RGL1: variants seen among roughly 807,000 people sequenced by gnomAD.
The protein encoded by RGL1 is ral guanine nucleotide dissociation stimulator like 1, also known as ral guanine nucleotide dissociation stimulator-like 1.
RGL1 carries 24 observed loss-of-function variants against 95.2 expected under a neutral mutation model. The observed-to-expected ratio is 0.25, with a 90% CI of 0.18 to 0.35. RGL1 has a LOEUF of 0.35. Among genes scored for constraint, RGL1 ranks in the 10% least tolerant of loss-of-function variants. The probability of loss-of-function intolerance (pLI) is 1.00; values close to 1 mark genes in which losing one functional copy is unlikely to be tolerated. For synonymous variants in RGL1, 329 were observed against 344.9 expected, an observed-to-expected ratio of 0.95 and a Z score of 0.51; for missense variants, 715 against 936.3, an observed-to-expected ratio of 0.76 and a Z score of 3.08.
At chr1:183,893,981 T>TA (rs1192717237) in intron 9 of RGL1, among the ~76,000 whole-genome samples, 1 of 152,228 alleles carries the variant, frequency 6.6e-6, no homozygotes, top group Non-Finnish European at 1.5e-5. Context: ...GAGTAGGTGA[T>TA]ATGAGAAGGG....
chr1:183,767,455 A>T (rs1382050677), intron 2 of RGL1, among the ~76,000 whole-genome samples: 1 of 152,168 alleles, frequency 6.6e-6, no homozygotes, highest in African/African-American at 2.4e-5. Flanking sequence ...TGCTCCTGAT[A>T]TGCAAATGAA....
At chr1:183,842,568 A>G (rs1222406748) in intron 2 of RGL1, among the ~76,000 whole-genome samples, 1 of 152,200 alleles carries the variant, frequency 6.6e-6, no homozygotes, top group Non-Finnish European at 1.5e-5. Flanking sequence ...ATGTTCTCTT[A>G]GAAAAAGCTG....
At chr1:183,833,964 G>GTT (rs59912489) in intron 2 of RGL1, among the ~76,000 whole-genome samples, 28,463 of 140,380 alleles carry the variant, frequency 0.2, 3,184 homozygotes, top group East Asian at 0.31. Flanking sequence ...ATCTCTCTCT[G>GTT]TTTTTTTTTT....
At chr1:183,847,485 T>C in intron 2 of RGL1, 81 bp from the exon 3 acceptor site, 1 of 1,116,902 alleles carries the variant, frequency 9.0e-7, no homozygotes, top group East Asian at 2.4e-5. Flanking sequence ...TAACAGGCTA[T>C]GGCCTTCAAC....
intron 2 of RGL1, among the ~76,000 whole-genome samples, chr1:183,767,677 G>A (rs1445466540): frequency 6.6e-6 from 1 of 152,190 alleles, no homozygotes; most frequent in Admixed American, 6.5e-5. Context: ...TGCTGGCCGG[G>A]TATGGTGGCT....
intron 1 of RGL1, among the ~76,000 whole-genome samples, chr1:183,738,114 C>T (rs1314455491): frequency 6.6e-6 from 1 of 152,122 alleles, no homozygotes; most frequent in African/African-American, 2.4e-5. Flanking sequence ...TAAGCCTTGA[C>T]TATGTGTTTT....
chr1:183,662,038 TTAGGTATTG>T (rs1651669998), intron 1 of RGL1, among the ~76,000 whole-genome samples: 2 of 149,730 alleles, frequency 1.3e-5, no homozygotes, highest in Non-Finnish European at 2.9e-5. Context: ...TCTCAATAAA[TTAGGTATTG>T]ATGGGACATA....
chr1:183,766,807 G>C (rs1658990692), intron 2 of RGL1, among the ~76,000 whole-genome samples: 1 of 151,460 alleles, frequency 6.6e-6, no homozygotes, highest in Middle Eastern at 3.2e-3. Context: ...TTTTTTTGAG[G>C]CTTGACAAAG....
At chr1:183,901,633 T>A (rs575538351) in intron 11 of RGL1, among the ~76,000 whole-genome samples, 20 of 152,270 alleles carry the variant, frequency 1.3e-4, no homozygotes, top group African/African-American at 4.6e-4. Flanking sequence ...CTGCCTGCTG[T>A]GGGGTATTTT....
chr1:183,648,911 A>G (rs1194957159), intron 1 of RGL1: 2 of 726,908 alleles, frequency 2.8e-6, no homozygotes, highest in East Asian at 2.6e-5. Flanking sequence ...GAAGTAGCAC[A>G]ATAAAGATAG....
intron 1 of RGL1, among the ~76,000 whole-genome samples, chr1:183,703,237 G>A (rs34827590): frequency 2.6e-4 from 39 of 152,314 alleles, no homozygotes; most frequent in Non-Finnish European, 4.9e-4. Context: ...TACTTCAAGC[G>A]TGACATAGGG....
intron 1 of RGL1, among the ~76,000 whole-genome samples, chr1:183,693,303 A>G (rs1654069093): frequency 6.6e-6 from 1 of 152,162 alleles, no homozygotes. Flanking sequence ...GTAAATCCTA[A>G]CAGTCCTAGA....
intron 2 of RGL1, among the ~76,000 whole-genome samples, chr1:183,786,259 C>T (rs2102366709): frequency 6.6e-6 from 1 of 152,240 alleles, no homozygotes; most frequent in South Asian, 2.1e-4. Context: ...TAAAAATTAA[C>T]TGAGCATCGG....
rs1023245915 is a variant in RGL1, at chr1:183,805,329, C to G, written c.27+5C>G. 1 of 1,610,310 alleles carries G rather than the reference C, an allele frequency of 6.2e-7. No individual in the cohort carries two copies. The highest frequency in any genetic ancestry group is 1.3e-5 in the African/African-American group (1 of 74,920). On this transcript the variant is annotated splice_donor_5th_base_variant and intron_variant, in intron 1 of 17. Transcript: ENST00000360851. ...TTGCTTTGGCAAGCTAAAATGGTAA[C>G]GAGAGCTCTCTGCCTTCTCCCGAGG...
chr1:183,829,325 C>T (rs1663096501), intron 2 of RGL1, among the ~76,000 whole-genome samples: 1 of 151,708 alleles, frequency 6.6e-6, no homozygotes, highest in African/African-American at 2.4e-5. Context: ...ACCTGTAGTC[C>T]CAGCTATTCA....
chr1:183,723,281 T>C (rs1656118479), intron 1 of RGL1, among the ~76,000 whole-genome samples: 1 of 152,174 alleles, frequency 6.6e-6, no homozygotes, highest in South Asian at 2.1e-4. Flanking sequence ...CAACCAATTG[T>C]CCTCCTTGCA....
At chr1:183,811,389 A>C (rs903720084) in intron 2 of RGL1, among the ~76,000 whole-genome samples, 1 of 152,184 alleles carries the variant, frequency 6.6e-6, no homozygotes, top group Non-Finnish European at 1.5e-5. Context: ...AATTGTAAGG[A>C]GATAAGCCCT....
At chr1:183,656,879 T>A (rs1205009143) in intron 1 of RGL1, among the ~76,000 whole-genome samples, 1 of 152,216 alleles carries the variant, frequency 6.6e-6, no homozygotes, top group African/African-American at 2.4e-5. Context: ...ACTTTCTTTT[T>A]AAGGTTTTTG....
rs1476727307 is a variant in RGL1 at position 183,724,769 on chromosome 1, CA to C, written c.-32-17356del. Among the ~76,000 whole-genome samples the C allele has an allele frequency of 2.0e-5, 3 of 152,066 alleles. No individual in the cohort carries two copies. The highest frequency in any genetic ancestry group is 2.9e-5 in the Non-Finnish European group (2 of 68,010). On this transcript the variant is annotated intron_variant, in intron 1 of 18. Coordinates refer to the RGL1 transcript ENST00000304685. The surrounding 1 kb of genome is among the most constrained non-coding windows in gnomAD (Gnocchi z 4.1). Reference sequence around the variant, plus strand: ...GCCATCCTTAAGCGAAGGACATGAGCATGGCTGTTTTCACCACCTGCTAATT... The same window carrying C: ...GCCATCCTTAAGCGAAGGACATGAGCTGGCTGTTTTCACCACCTGCTAATT...
Sources: allele counts gnomAD v4.1 joint callset (sites outside exome capture counted in the v4.1 genomes callset), GRCh38; gene constraint gnomAD v4.1.1; non-coding constraint Gnocchi (gnomAD v3.1); transcripts MANE v1.5; gene names NCBI Gene and HGNC (gene_info 2026-07-23, HGNC 2026-07-21).